The following OPCML variants were observed in gnomAD, a reference collection of about 807,000 sequenced individuals.
OPCML encodes the protein opioid-binding protein/cell adhesion molecule.
A neutral mutation model predicts 37.8 loss-of-function variants in OPCML; 13 were observed. The observed-to-expected ratio is 0.34, with a 90% confidence interval of 0.22 to 0.55. OPCML has a LOEUF of 0.55. OPCML is among the 20% of genes least tolerant of loss of function. OPCML has a pLI of 0.91. For missense variants in OPCML, 341 were observed against 435.6 expected (o/e 0.78, Z 1.93); for synonymous variants, 176 against 168.8 (o/e 1.04, Z -0.33).
At chr11:132,740,132 T>A (rs1945390558) in intron 2 of OPCML, among the ~76,000 whole-genome samples, 1 of 152,064 alleles carries the variant, frequency 6.6e-6, no homozygotes, top group Non-Finnish European at 1.5e-5. Context: ...TGTCGAAGGA[T>A]AAATAGTCAG....
chr11:133,319,541 C>G (rs541739696), intron 1 of OPCML, among the ~76,000 whole-genome samples: 27 of 152,286 alleles, frequency 1.8e-4, no homozygotes, highest in Non-Finnish European at 1.2e-4. Flanking sequence ...ATTAAAACAC[C>G]ACCAGCATCA....
intron 1 of OPCML, among the ~76,000 whole-genome samples, chr11:133,233,234 C>T (rs983141484): frequency 1.3e-5 from 2 of 152,160 alleles, no homozygotes; most frequent in African/African-American, 4.8e-5. Context: ...AGCTGCTATA[C>T]CACCCTTTGT....
intron 3 of OPCML, among the ~76,000 whole-genome samples, chr11:132,612,540 A>G (rs1435490718): frequency 6.6e-6 from 1 of 152,106 alleles, no homozygotes; most frequent in Non-Finnish European, 1.5e-5. Flanking sequence ...AAGATGTGGG[A>G]GGGGAGAATA....
intron 3 of OPCML, among the ~76,000 whole-genome samples, chr11:132,530,561 A>G (rs546289157): frequency 1.3e-5 from 2 of 152,248 alleles, no homozygotes; most frequent in Non-Finnish European, 2.9e-5. Context: ...ATGGCCTACC[A>G]TGTTTGACAA....
chr11:133,461,982 ATT>A (rs1946871210), intron 1 of OPCML, among the ~76,000 whole-genome samples: 1 of 151,966 alleles, frequency 6.6e-6, no homozygotes, highest in Admixed American at 6.6e-5. Flanking sequence ...CATAAAATAT[ATT>A]GTCAAATAAT....
rs373044187 is a variant in OPCML at position 132,451,984 on chromosome 11, C to T, written c.506-14625G>A. On this transcript the variant is annotated intron_variant, in intron 4 of 7. Coordinates refer to ENST00000524381, the MANE Select transcript of OPCML (RefSeq NM_001012393.5). ...AGAGTAGGTTTCAATTCCCCTAAAC[C>T]GCTTTGCTCCCTCCCTGGGTTCAAT... Among the ~76,000 whole-genome samples the T allele has an allele frequency of 1.8e-4, 27 of 152,274 alleles. 1 individual carries two copies. The South Asian group carries it at 3.3e-3, about 19-fold the overall frequency.
intron 1 of OPCML, chr11:133,302,067 G>A (rs1942793610): frequency 6.6e-6 from 1 of 152,188 alleles, no homozygotes; most frequent in Non-Finnish European, 1.5e-5. Flanking sequence ...TAAGTTACAT[G>A]ATTCTGACTA....
intron 1 of OPCML, among the ~76,000 whole-genome samples, chr11:133,318,832 T>C (rs1474577081): frequency 2.6e-5 from 4 of 151,690 alleles, no homozygotes; most frequent in Non-Finnish European, 4.4e-5. Context: ...AGGTCAGGAG[T>C]TTGAGAGCAG....
At chr11:132,806,678 A>G (rs979595654) in intron 2 of OPCML, among the ~76,000 whole-genome samples, 1 of 152,162 alleles carries the variant, frequency 6.6e-6, no homozygotes, top group African/African-American at 2.4e-5. Flanking sequence ...AATTCCACTC[A>G]CTCAGTAATT....
rs188489052 is a variant in OPCML, at chr11:133,212,852, G to A, written c.62-269842C>T. On this transcript the variant is annotated intron_variant, in intron 1 of 7. Transcript: ENST00000524381. This position sits in a 1 kb window ranked among gnomAD's most constrained non-coding sequence, Gnocchi z 4.9. ...CTCATGACACTGCACCCTTTGTATG[G>A]GTTTCCATACTCTAAAATTCCACGT... is the stretch of plus-strand genomic sequence containing the variant. Among the ~76,000 whole-genome samples, 4 of 152,222 alleles carry A rather than the reference G, an allele frequency of 2.6e-5. No homozygotes were observed. The highest frequency in any genetic ancestry group is 1.9e-4 in the East Asian group (1 of 5,182).
intron 3 of OPCML, among the ~76,000 whole-genome samples, chr11:132,648,781 C>T (rs569595102): frequency 3.3e-5 from 5 of 152,260 alleles, no homozygotes; most frequent in East Asian, 3.9e-4. Context: ...GACTCTCAAG[C>T]GGAAGTGCTG....
intron 1 of OPCML, among the ~76,000 whole-genome samples, chr11:133,351,410 C>T (rs1401352716): frequency 6.6e-6 from 1 of 152,160 alleles, no homozygotes; most frequent in Non-Finnish European, 1.5e-5. Context: ...GTATTTCTCT[C>T]TTCTCAGTAA....
At chr11:132,814,377 G>A (rs1939514807) in intron 2 of OPCML, among the ~76,000 whole-genome samples, 2 of 152,116 alleles carry the variant, frequency 1.3e-5, no homozygotes, top group African/African-American at 4.8e-5. Context: ...GAAAACCAGT[G>A]GTATAATTCA....
chr11:132,992,258 CAT>C (rs905112545), intron 1 of OPCML, among the ~76,000 whole-genome samples: 1 of 151,880 alleles, frequency 6.6e-6, no homozygotes, highest in South Asian at 2.1e-4. Flanking sequence ...TTTCTCCAGC[CAT>C]ATATATACAC....
intron 2 of OPCML, among the ~76,000 whole-genome samples, chr11:132,738,936 T>C (rs1293628291): frequency 4.6e-5 from 7 of 152,114 alleles, no homozygotes; most frequent in Non-Finnish European, 8.8e-5. Flanking sequence ...CCACGTGGCA[T>C]AGAGATGATT....
At chr11:133,320,524 T>C (rs1943304105) in intron 1 of OPCML, among the ~76,000 whole-genome samples, 2 of 152,152 alleles carry the variant, frequency 1.3e-5, no homozygotes, top group African/African-American at 4.8e-5. Flanking sequence ...AGTATCAGAG[T>C]GCTCAAAACA....
intron 2 of OPCML, among the ~76,000 whole-genome samples, chr11:132,855,914 A>T (rs978957010): frequency 1.3e-5 from 2 of 152,246 alleles, no homozygotes; most frequent in South Asian, 4.1e-4. Flanking sequence ...TTGCATTTTT[A>T]AGAAGCCATA....
At chr11:132,870,734 A>G (rs1565924956) in intron 2 of OPCML, among the ~76,000 whole-genome samples, 1 of 152,344 alleles carries the variant, frequency 6.6e-6, no homozygotes, top group East Asian at 1.9e-4. Flanking sequence ...TAAAATAAGG[A>G]AATCCTGTCA....
At chr11:132,512,350 T>A (rs1421527899) in intron 4 of OPCML, among the ~76,000 whole-genome samples, 1 of 152,054 alleles carries the variant, frequency 6.6e-6, no homozygotes, top group Non-Finnish European at 1.5e-5. Context: ...ATTCTGCTCC[T>A]AAGTATTTAC....
Sources: allele counts gnomAD v4.1 joint callset (sites outside exome capture counted in the v4.1 genomes callset), GRCh38; gene constraint gnomAD v4.1.1; non-coding constraint Gnocchi (gnomAD v3.1); transcripts MANE v1.5; gene names NCBI Gene and HGNC (gene_info 2026-07-23, HGNC 2026-07-21).